The following ZNF519 variants were observed in gnomAD, a reference collection of about 807,000 sequenced individuals.
ZNF519 encodes the protein similar to Zinc finger protein 85 (Zinc finger protein HPF4) (HTF1).
Under a neutral mutation model 7.4 loss-of-function variants are expected in ZNF519, and 7 were observed. The observed-to-expected ratio is 0.94, with a 90% CI of 0.54 to 1.77. The LOEUF (loss-of-function observed/expected upper bound fraction) is 1.77, where lower values mean the gene tolerates loss of function less well. Among genes scored for constraint, ZNF519 ranks in the 40% most tolerant of loss-of-function variants. The pLI, the probability that ZNF519 is intolerant of heterozygous loss-of-function variation, is 0.00. For synonymous variants in ZNF519, 179 were observed against 203.3 expected (o/e 0.88, Z 1.02); for missense variants, 586 against 623.1 (o/e 0.94, Z 0.63).
At chr18:14,123,723 C>T (rs1232022436) in intron 2 of ZNF519, among the ~76,000 whole-genome samples, 1 of 151,592 alleles carries the variant, frequency 6.6e-6, no homozygotes, top group Non-Finnish European at 1.5e-5. Context: ...TTGCAAAATA[C>T]ATAAATAAAT....
rs1176337626 is a variant in ZNF519, at chr18:14,104,730, A to G, written c.*187T>C. 6 of 499,668 alleles carry G rather than the reference A, an allele frequency of 1.2e-5. No homozygotes were observed. The highest frequency in any genetic ancestry group is 2.0e-5 in the Non-Finnish European group (6 of 301,114). 31.0% of individuals were successfully genotyped at this position (499,668 alleles called of 1,614,324 possible). ...ATAATAAACACACTGATTCAGAGTAATTTACGGAAGTGCTAGCACCTTAGT... is the reference window on the plus strand; with the variant it reads ...ATAATAAACACACTGATTCAGAGTAGTTTACGGAAGTGCTAGCACCTTAGT... On this transcript the variant is annotated 3_prime_UTR_variant, in exon 3 of 3. Coordinates refer to ENST00000590202, the MANE Select transcript of ZNF519 (RefSeq NM_145287.4).
intron 2 of ZNF519, among the ~76,000 whole-genome samples, chr18:14,094,511 C>G (rs192116285): frequency 6.6e-6 from 1 of 152,174 alleles, no homozygotes; most frequent in Non-Finnish European, 1.5e-5. Flanking sequence ...TTACAGATTG[C>G]TTTTTCTACA....
chr18:14,109,922 T>G (rs2046212182), intron 2 of ZNF519, among the ~76,000 whole-genome samples: 1 of 152,096 alleles, frequency 6.6e-6, no homozygotes, highest in South Asian at 2.1e-4. Flanking sequence ...GGCATCACAT[T>G]ACCCTACTTC....
intron 3 of ZNF519, among the ~76,000 whole-genome samples, chr18:14,083,405 T>C (rs374651717): frequency 6.6e-6 from 1 of 152,138 alleles, no homozygotes; most frequent in African/African-American, 2.4e-5. Context: ...CCTAACCCAA[T>C]GGCTACATGA....
chr18:14,093,428 C>A (rs12457953), intron 2 of ZNF519, among the ~76,000 whole-genome samples: 10,294 of 152,220 alleles, frequency 0.068, 666 homozygotes, highest in African/African-American at 0.15. Flanking sequence ...TTAACCAGTG[C>A]CTTTATCTTT....
chr18:14,108,758 T>C (rs2143134010), intron 2 of ZNF519, among the ~76,000 whole-genome samples: 1 of 152,188 alleles, frequency 6.6e-6, no homozygotes, highest in East Asian at 1.9e-4. Context: ...ACAAAATAGA[T>C]TTCAAGACAA....
At chr18:14,073,240 TTATATTTA>T (rs1471715905), downstream of ZNF519, 2 of 137,134 alleles carry the variant, frequency 1.5e-5, no homozygotes, top group South Asian at 2.4e-4. Flanking sequence ...ATTTTTATTT[TTATATTTA>T]TTTATTTATT....
At chr18:14,120,200 T>C (rs1020016512) in intron 2 of ZNF519, among the ~76,000 whole-genome samples, 4 of 151,834 alleles carry the variant, frequency 2.6e-5, no homozygotes, top group Admixed American at 2.0e-4. Context: ...TAAAAACAGA[T>C]ACAAAAACCA....
chr18:14,117,778 T>C (rs1464038002), intron 2 of ZNF519, among the ~76,000 whole-genome samples: 2 of 151,876 alleles, frequency 1.3e-5, no homozygotes, highest in African/African-American at 4.8e-5. Context: ...AGAGTGAGGG[T>C]GGGGGTGCCA....
At chr18:14,077,010 G>A (rs771471478) in exon 5 of ZNF519, 2 of 152,144 alleles carry the variant, frequency 1.3e-5, no homozygotes, top group East Asian at 3.9e-4. Context: ...GCATGAAGGT[G>A]TTGTAGAAAC....
intron 2 of ZNF519, among the ~76,000 whole-genome samples, chr18:14,113,354 A>G (rs1252902013): frequency 6.6e-6 from 1 of 152,130 alleles, no homozygotes; most frequent in Non-Finnish European, 1.5e-5. Flanking sequence ...AAAGAATGCA[A>G]CCGTTTGTCT....
chr18:14,124,640 T>C (rs972502862), intron 1 of ZNF519, among the ~76,000 whole-genome samples, 164 bp from the exon 2 acceptor site: 2 of 152,118 alleles, frequency 1.3e-5, no homozygotes, highest in African/African-American at 4.8e-5. Flanking sequence ...GGGAAAAGGA[T>C]GCCAGCAAGC....
At chr18:14,097,474 T>C (rs1256836991), downstream of ZNF519, among the ~76,000 whole-genome samples, 2 of 152,140 alleles carry the variant, frequency 1.3e-5, no homozygotes, top group African/African-American at 4.8e-5. Context: ...TGACCTCAAG[T>C]CCTCATGGAG....
At chr18:14,119,244 A>G (rs1313868284) in intron 2 of ZNF519, among the ~76,000 whole-genome samples, 1 of 152,158 alleles carries the variant, frequency 6.6e-6, no homozygotes, top group African/African-American at 2.4e-5. Flanking sequence ...CAGCCTGGGA[A>G]CCCAACAAAA....
At chr18:14,109,659 A>G (rs974137201) in intron 2 of ZNF519, among the ~76,000 whole-genome samples, 2 of 152,160 alleles carry the variant, frequency 1.3e-5, no homozygotes, top group African/African-American at 4.8e-5. Context: ...ATATTTCTGA[A>G]ATATGTGATC....
At position 14,105,462 on chromosome 18, in the gene ZNF519, C is replaced by G; in HGVS notation, c.1078G>C (p.Gly360Arg). 1.2e-6 allele frequency: 2 copies of G among 1,612,562 alleles called. No homozygotes were observed. Among genetic ancestry groups the G allele is most frequent in the Non-Finnish European group, 1.7e-6 (2 of 1,179,608 alleles). Residue 360 changes from glycine (G) to arginine (R), a missense_variant, in exon 3 of 3, where the codon GGG becomes CGG. Transcript: ENST00000590202. ...CEECGKAFNRGSYLTQHQRIH... is the reference protein window; with the variant it reads ...CEECGKAFNRRSYLTQHQRIH... Reference sequence around the variant, plus strand: ...CTCTGGTGTTGAGTAAGGTATGACCCCCTGTTAAAGGCTTTGCCACATTCT... The same window carrying G: ...CTCTGGTGTTGAGTAAGGTATGACCGCCTGTTAAAGGCTTTGCCACATTCT...
At chr18:14,086,284 G>A (rs1012463680) in intron 2 of ZNF519, among the ~76,000 whole-genome samples, 1 of 152,160 alleles carries the variant, frequency 6.6e-6, no homozygotes, top group Non-Finnish European at 1.5e-5. Context: ...AGCAGCCCTG[G>A]TGGCACAGTC....
downstream of ZNF519, chr18:14,071,193 A>G (rs1018221940): frequency 6.6e-6 from 1 of 151,982 alleles, no homozygotes; most frequent in African/African-American, 2.4e-5. Context: ...CACAAAAAGA[A>G]AATAAAGTGA....
rs1213928456 is a variant in ZNF519, at chr18:14,104,132, C to A, written c.*785G>T. 1 of 152,118 alleles carries A rather than the reference C, an allele frequency of 6.6e-6. No homozygotes were observed. The highest frequency in any genetic ancestry group is 1.5e-5 in the Non-Finnish European group (1 of 67,982). The allele number at this position is 152,118 out of a possible 1,614,324, so 9.4% of individuals were successfully genotyped here. A position where few individuals can be genotyped will look rare whatever the true frequency, so the allele number is the denominator to read the frequency against. The stretch of plus-strand genomic sequence containing the variant: ...CACCACTCTCTGATATTTGTGATTT[C>A]TTTATTGTTATCACAGTAACATTCA... On this transcript the variant is annotated 3_prime_UTR_variant, in exon 3 of 3. Transcript: ENST00000590202.
Sources: allele counts gnomAD v4.1 joint callset (sites outside exome capture counted in the v4.1 genomes callset), GRCh38; gene constraint gnomAD v4.1.1; transcripts MANE v1.5; gene names NCBI Gene and HGNC (gene_info 2026-07-23, HGNC 2026-07-21).